Variants in CLVS1 observed in about 807,000 individuals in gnomAD.
CLVS1 encodes clavesin-1.
In CLVS1, 10 loss-of-function variants were observed where a neutral mutation model predicts 33.1. The ratio of observed to expected loss-of-function variants is 0.30; its 90% CI spans 0.19 to 0.51. The LOEUF (loss-of-function observed/expected upper bound fraction) is 0.51, where lower values mean the gene tolerates loss of function less well. Among genes scored for constraint, CLVS1 ranks in the 20% least tolerant of loss-of-function variants. The pLI, the probability that CLVS1 is intolerant of heterozygous loss-of-function variation, is 0.97. For missense variants in CLVS1, 343 were observed against 433.4 expected (o/e 0.79, Z 1.85); for synonymous variants, 163 against 166.1 (o/e 0.98, Z 0.14).
chr8:61,295,053 A>G (rs939387376), intron 1 of CLVS1, among the ~76,000 whole-genome samples: 1 of 152,192 alleles, frequency 6.6e-6, no homozygotes, highest in Non-Finnish European at 1.5e-5. Flanking sequence ...CAAAAATACC[A>G]TTACCTAATT....
intron 2 of CLVS1, among the ~76,000 whole-genome samples, chr8:61,355,997 C>G (rs535443173): frequency 6.6e-4 from 101 of 152,334 alleles, no homozygotes; most frequent in South Asian, 2.9e-3. Context: ...ACACTGACTT[C>G]CACAATGATT....
At chr8:61,392,920 G>T (rs565062855) in intron 3 of CLVS1, among the ~76,000 whole-genome samples, 1 of 152,056 alleles carries the variant, frequency 6.6e-6, no homozygotes, top group East Asian at 1.9e-4. Flanking sequence ...TTTTGCTCTT[G>T]TTGCCCAGGC....
chr8:61,089,097 G>A (rs530429523), intron 1 of CLVS1, among the ~76,000 whole-genome samples: 4 of 152,162 alleles, frequency 2.6e-5, no homozygotes, highest in East Asian at 3.9e-4. Flanking sequence ...CACCGGGCCC[G>A]GCCTAGACTT....
Position 61,163,746 on chromosome 8 carries a change from G to A in CLVS1, c.-152+31886G>A, listed in dbSNP as rs535488714. Among the ~76,000 whole-genome samples the A allele has an allele frequency of 6.7e-4, 102 of 152,302 alleles. 1 individual carries two copies. Among genetic ancestry groups the A allele is most frequent in the African/African-American group, 2.4e-3 (98 of 41,580 alleles). On this transcript the variant is annotated intron_variant, in intron 2 of 2. Transcript: ENST00000522621. Reference sequence around the variant, plus strand: ...TGTTCAGCTCTATTAGGACGAACCCGGGCACTTAGCCTTGCAGGAACAATA... The same window carrying A: ...TGTTCAGCTCTATTAGGACGAACCCAGGCACTTAGCCTTGCAGGAACAATA...
Position 61,442,737 on chromosome 8 carries a change from T to C in CLVS1, c.631-11404T>C, listed in dbSNP as rs141182789. Among the ~76,000 whole-genome samples the C allele has an allele frequency of 3.9e-3, 600 of 152,208 alleles. 2 individuals carry two copies. Among genetic ancestry groups the C allele is most frequent in the African/African-American group, 0.013 (546 of 41,534 alleles). On this transcript the variant is annotated intron_variant, in intron 3 of 5. Coordinates refer to ENST00000325897, the MANE Select transcript of CLVS1 (RefSeq NM_173519.3). The stretch of plus-strand genomic sequence containing the variant: ...GCCTCAGCCTCCTGAGTAGCTGGGA[T>C]TACAGGCACACGCCACCACCCCTGA...
intron 1 of CLVS1, among the ~76,000 whole-genome samples, chr8:61,121,034 G>A (rs1805853765): frequency 1.3e-5 from 2 of 151,932 alleles, no homozygotes; most frequent in Admixed American, 1.3e-4. Flanking sequence ...GACTCCGTGG[G>A]CGTAGGACCC....
chr8:61,228,479 G>A (rs537772122), intron 2 of CLVS1, among the ~76,000 whole-genome samples: 2 of 152,300 alleles, frequency 1.3e-5, no homozygotes, highest in South Asian at 2.1e-4. Flanking sequence ...TCATAGCTTA[G>A]CCTAGCTTAC....
intron 3 of CLVS1, among the ~76,000 whole-genome samples, chr8:61,379,166 C>A (rs369636497): frequency 1.3e-5 from 2 of 152,132 alleles, no homozygotes; most frequent in South Asian, 2.1e-4. Flanking sequence ...ATCCTGTGTT[C>A]CAGTGCAGAG....
At chr8:61,241,964 G>A (rs68075107) in intron 2 of CLVS1, among the ~76,000 whole-genome samples, 23,094 of 151,654 alleles carry the variant, frequency 0.15, 3,651 homozygotes, top group East Asian at 0.68. Context: ...TGCTTTAAAC[G>A]TATTTTTACA....
At chr8:61,142,573 A>G (rs1806327568) in intron 2 of CLVS1, among the ~76,000 whole-genome samples, 1 of 152,232 alleles carries the variant, frequency 6.6e-6, no homozygotes, top group South Asian at 2.1e-4. Context: ...CAGATAAAGC[A>G]TATCAAGTTG....
upstream of CLVS1, among the ~76,000 whole-genome samples, chr8:61,056,515 G>T (rs1044451535): frequency 2.0e-5 from 3 of 152,180 alleles, no homozygotes; most frequent in African/African-American, 7.2e-5. Context: ...AGGCAAACAA[G>T]ATCATGATTA....
intron 2 of CLVS1, among the ~76,000 whole-genome samples, chr8:61,226,594 T>C (rs1808334317): frequency 6.6e-6 from 1 of 152,232 alleles, no homozygotes; most frequent in Non-Finnish European, 1.5e-5. Context: ...CTTGATGTTT[T>C]CTTGGAGCAG....
At chr8:61,454,353 CTCTT>C in intron 4 of CLVS1, 102 bp downstream of exon 4, 1 of 879,292 alleles carries the variant, frequency 1.1e-6, no homozygotes, top group East Asian at 2.4e-5. Context: ...CTCTCTTTCT[CTCTT>C]TATCTTTCAC....
intron 5 of CLVS1, among the ~76,000 whole-genome samples, chr8:61,478,264 G>T (rs1255735045): frequency 2.0e-5 from 3 of 152,154 alleles, no homozygotes; most frequent in Non-Finnish European, 4.4e-5. Context: ...GAATAGGTGT[G>T]GTGTGGTGCT....
intron 2 of CLVS1, among the ~76,000 whole-genome samples, chr8:61,363,497 G>A (rs1813066966): frequency 1.3e-5 from 2 of 152,118 alleles, no homozygotes; most frequent in South Asian, 2.1e-4. Context: ...ATGTAATTAA[G>A]GAAAAGAAAC....
At chr8:61,108,537 G>A (rs1805577254) in intron 1 of CLVS1, among the ~76,000 whole-genome samples, 1 of 152,052 alleles carries the variant, frequency 6.6e-6, no homozygotes, top group Non-Finnish European at 1.5e-5. Context: ...ACTACACTTG[G>A]AAGGAAGGAT....
In CLVS1 at chr8:61,240,894, G is replaced by GTTTTTTTTTTTTTTT. The variant is rs549955338; in HGVS notation, c.-151-58780_-151-58766dup. Among the ~76,000 whole-genome samples, 47 of 130,602 alleles carry GTTTTTTTTTTTTTTT rather than the reference G, an allele frequency of 3.6e-4. 1 individual carries two copies. The highest frequency in any genetic ancestry group is 1.3e-3 in the African/African-American group (41 of 31,516). The allele number at this position is 130,602 out of a possible 152,430, so 85.7% of individuals were successfully genotyped here. On this transcript the variant is annotated intron_variant, in intron 2 of 2. Transcript: ENST00000522621. ...CTAAAATGAATGATGTTTGCTGTAG[G>GTTTTTTTTTTTTTTT]TTTTTTTTTTTTTTTTTAAAATAGA... is the stretch of plus-strand genomic sequence containing the variant.
At chr8:61,466,000 T>C (rs1290456031) in intron 5 of CLVS1, among the ~76,000 whole-genome samples, 1 of 152,194 alleles carries the variant, frequency 6.6e-6, no homozygotes, top group South Asian at 2.1e-4. Flanking sequence ...GAAGTCCACT[T>C]CTTTGCTCCC....
At chr8:61,386,460 CA>C (rs1198014409) in intron 3 of CLVS1, among the ~76,000 whole-genome samples, 1 of 152,068 alleles carries the variant, frequency 6.6e-6, no homozygotes, top group Non-Finnish European at 1.5e-5. Context: ...AATTAGAATG[CA>C]GTATTGAGAA....
Sources: allele counts gnomAD v4.1 joint callset (sites outside exome capture counted in the v4.1 genomes callset), GRCh38; gene constraint gnomAD v4.1.1; transcripts MANE v1.5; gene names NCBI Gene and HGNC (gene_info 2026-07-23, HGNC 2026-07-21).